The following GALNT18 variants were observed in gnomAD, a reference collection of about 807,000 sequenced individuals.
GALNT18 encodes GalNAc-transferase 18.
A neutral mutation model predicts 69.5 loss-of-function variants in GALNT18; 44 were observed. That is an observed-to-expected ratio of 0.63 (90% CI 0.50 to 0.81). The LOEUF (loss-of-function observed/expected upper bound fraction) is 0.81, where lower values mean the gene tolerates loss of function less well. Ranked by LOEUF, GALNT18 falls within the 40% of genes least tolerant of loss-of-function variation. The pLI, the probability that GALNT18 is intolerant of heterozygous loss-of-function variation, is 0.00. For missense variants in GALNT18, 715 were observed against 810.0 expected (o/e 0.88, Z 1.42); for synonymous variants, 364 against 318.2 (o/e 1.14, Z -1.53).
rs1450920479 is a variant in GALNT18, at chr11:11,591,879, G to A, written c.235+29480C>T. On this transcript the variant is annotated intron_variant, in intron 1 of 10. Coordinates refer to ENST00000227756, the MANE Select transcript of GALNT18 (RefSeq NM_198516.3). The surrounding 1 kb of genome is among the most constrained non-coding windows in gnomAD (Gnocchi z 4.8). ...TGTTATGAAGATTTAAGGGTTTTGA[G>A]TTTGATGTAACACAGTCCTCAAGAT... is the stretch of plus-strand genomic sequence containing the variant. 6.6e-6 allele frequency among the ~76,000 whole-genome samples: 1 copy of A among 152,142 alleles called. No individual in the cohort carries two copies. The highest frequency in any genetic ancestry group is 2.4e-5 in the African/African-American group (1 of 41,420).
At chr11:11,285,843 A>G (rs573952338) in intron 10 of GALNT18, among the ~76,000 whole-genome samples, 51 of 152,266 alleles carry the variant, frequency 3.3e-4, no homozygotes, top group Non-Finnish European at 4.6e-4. Context: ...CTGCAAATAG[A>G]TTCGTCTTTG....
At chr11:11,489,835 C>T (rs908529806) in intron 1 of GALNT18, among the ~76,000 whole-genome samples, 22 of 152,132 alleles carry the variant, frequency 1.4e-4, no homozygotes, top group African/African-American at 5.1e-4. Flanking sequence ...AACTGAGACA[C>T]AGAAAGTTTA....
At chr11:11,419,430 C>G (rs71478965) in intron 3 of GALNT18, among the ~76,000 whole-genome samples, 5 of 151,602 alleles carry the variant, frequency 3.3e-5, no homozygotes, top group Admixed American at 6.6e-5. Context: ...AACCTTGTCT[C>G]TACTAAAAAT....
intron 1 of GALNT18, among the ~76,000 whole-genome samples, chr11:11,493,143 C>T (rs183469243): frequency 2.8e-4 from 42 of 151,908 alleles, no homozygotes; most frequent in African/African-American, 9.4e-4. Flanking sequence ...TGCCTGTAGT[C>T]CCAGCTACTC....
At chr11:11,277,854 T>C (rs1456310708) in intron 10 of GALNT18, among the ~76,000 whole-genome samples, 1 of 152,240 alleles carries the variant, frequency 6.6e-6, no homozygotes, top group Non-Finnish European at 1.5e-5. Context: ...GATTGCACTG[T>C]GGTCTGAGAG....
chr11:11,495,102 T>C (rs939023306), intron 1 of GALNT18, among the ~76,000 whole-genome samples: 4 of 152,048 alleles, frequency 2.6e-5, no homozygotes, highest in Non-Finnish European at 5.9e-5. Flanking sequence ...GAGATGTGAA[T>C]CAAAAAGTAT....
intron 6 of GALNT18, among the ~76,000 whole-genome samples, chr11:11,357,802 G>A (rs1850561488): frequency 6.6e-6 from 1 of 152,166 alleles, no homozygotes; most frequent in Non-Finnish European, 1.5e-5. Flanking sequence ...TTCTATGAGG[G>A]CAAACCTAAG....
At chr11:11,295,867 G>T (rs183659268) in intron 9 of GALNT18, among the ~76,000 whole-genome samples, 1 of 152,312 alleles carries the variant, frequency 6.6e-6, no homozygotes, top group East Asian at 1.9e-4. Flanking sequence ...ATGTGGAAAT[G>T]TAACCAGAAC....
Position 11,315,608 on chromosome 11 carries a change from C to T in GALNT18, c.1512+11478G>A, listed in dbSNP as rs1256717449. On this transcript the variant is annotated intron_variant, in intron 9 of 10. Transcript: ENST00000227756. This position sits in a 1 kb window ranked among gnomAD's most constrained non-coding sequence, Gnocchi z 5.6. ...CTTGGGTGAGGCATAGTAACACCTACCATCACCATCACATGTGGGGCACCG... is the reference window on the plus strand; with the variant it reads ...CTTGGGTGAGGCATAGTAACACCTATCATCACCATCACATGTGGGGCACCG... 1.3e-5 allele frequency among the ~76,000 whole-genome samples: 2 copies of T among 152,148 alleles called. No individual in the cohort carries two copies. The highest frequency in any genetic ancestry group is 2.9e-5 in the Non-Finnish European group (2 of 68,018).
At chr11:11,278,871 G>T (rs1363446162) in intron 10 of GALNT18, among the ~76,000 whole-genome samples, 1 of 152,138 alleles carries the variant, frequency 6.6e-6, no homozygotes, top group East Asian at 1.9e-4. Context: ...TTCTAACACA[G>T]AAATGATAAA....
intron 6 of GALNT18, among the ~76,000 whole-genome samples, chr11:11,343,537 T>C (rs1850248386): frequency 6.6e-6 from 1 of 152,060 alleles, no homozygotes; most frequent in African/African-American, 2.4e-5. Context: ...CTGAGGATCA[T>C]GAGAAGGTGG....
chr11:11,453,279 G>A (rs980646406), intron 1 of GALNT18, among the ~76,000 whole-genome samples: 2 of 152,068 alleles, frequency 1.3e-5, no homozygotes, highest in Non-Finnish European at 2.9e-5. Flanking sequence ...ACCCTCCAAG[G>A]GCCTTCCGCC....
intron 9 of GALNT18, among the ~76,000 whole-genome samples, chr11:11,308,404 A>AT (rs1254399244): frequency 1.3e-5 from 2 of 152,004 alleles, no homozygotes; most frequent in Non-Finnish European, 2.9e-5. Context: ...TCCACCCCTG[A>AT]TATGCTCTGT....
At position 11,590,067 on chromosome 11, in the gene GALNT18, T is replaced by C. The variant is rs1488621051; in HGVS notation, c.235+31292A>G. 6.6e-6 allele frequency among the ~76,000 whole-genome samples: 1 copy of C among 152,228 alleles called. No homozygotes were observed. The highest frequency in any genetic ancestry group is 1.5e-5 in the Non-Finnish European group (1 of 68,040). ...CTAGGGGTGATATTCAAATATGTAA[T>C]AACCAATGCAGCATGGTCATGTGGC... On this transcript the variant is annotated intron_variant, in intron 1 of 10. Coordinates refer to ENST00000227756, the MANE Select transcript of GALNT18 (RefSeq NM_198516.3). This position sits in a 1 kb window ranked among gnomAD's most constrained non-coding sequence, Gnocchi z 4.4.
chr11:11,333,912 G>T (rs1402165377), intron 7 of GALNT18, among the ~76,000 whole-genome samples: 2 of 151,874 alleles, frequency 1.3e-5, no homozygotes, highest in East Asian at 1.9e-4. Flanking sequence ...CTGCCGAGGG[G>T]TCCATCCTCT....
Position 11,605,050 on chromosome 11 carries a change from A to T in GALNT18, c.235+16309T>A, listed in dbSNP as rs1859716089. Among the ~76,000 whole-genome samples, 2 of 152,188 alleles carry T rather than the reference A, an allele frequency of 1.3e-5. No homozygotes were observed. Among genetic ancestry groups the T allele is most frequent in the Admixed American group, 1.3e-4 (2 of 15,268 alleles). On this transcript the variant is annotated intron_variant, in intron 1 of 10. Coordinates refer to ENST00000227756, the MANE Select transcript of GALNT18 (RefSeq NM_198516.3). This position sits in a 1 kb window ranked among gnomAD's most constrained non-coding sequence, Gnocchi z 4.7. ...GCTACTGCCTAAATGACTCTTCTCA[A>T]ATTGAAAATATCAGAGAATAATAGG...
At chr11:11,571,149 A>G (rs1011679714) in intron 1 of GALNT18, among the ~76,000 whole-genome samples, 1 of 152,176 alleles carries the variant, frequency 6.6e-6, no homozygotes, top group African/African-American at 2.4e-5. Context: ...CATTTTACAG[A>G]TGAAAAAAAT....
At position 11,318,593 on chromosome 11, in the gene GALNT18, C is replaced by T. The variant is rs768910932; in HGVS notation, c.1512+8493G>A. Among the ~76,000 whole-genome samples the T allele has an allele frequency of 2.8e-4, 43 of 152,098 alleles. No homozygotes were observed. Among genetic ancestry groups the T allele is most frequent in the East Asian group, 1.9e-4 (1 of 5,190 alleles). ...CAGTAATTTTCTGTCGTTTAAGTCT[C>T]GCAGCTTGTGGTACTTTGTTACGGA... On this transcript the variant is annotated intron_variant, in intron 9 of 10. Coordinates refer to ENST00000227756, the MANE Select transcript of GALNT18 (RefSeq NM_198516.3). This position sits in a 1 kb window ranked among gnomAD's most constrained non-coding sequence, Gnocchi z 5.1.
Position 11,555,973 on chromosome 11 carries a change from G to A in GALNT18, c.235+65386C>T, listed in dbSNP as rs747057033. Among the ~76,000 whole-genome samples the A allele has an allele frequency of 1.3e-5, 2 of 152,178 alleles. No homozygotes were observed. The highest frequency in any genetic ancestry group is 4.8e-5 in the African/African-American group (2 of 41,448). On this transcript the variant is annotated intron_variant, in intron 1 of 10. Transcript: ENST00000227756. The surrounding 1 kb of genome is among the most constrained non-coding windows in gnomAD (Gnocchi z 4.7). ...CTTATTTCCTCTGAGTCCTCTAACC[G>A]AGATCAGACTTAAGTCAACACCAGA... is the stretch of plus-strand genomic sequence containing the variant.
Sources: allele counts gnomAD v4.1 joint callset (sites outside exome capture counted in the v4.1 genomes callset), GRCh38; gene constraint gnomAD v4.1.1; non-coding constraint Gnocchi (gnomAD v3.1); transcripts MANE v1.5; gene names NCBI Gene and HGNC (gene_info 2026-07-23, HGNC 2026-07-21).